Variants in DNTTIP1 observed in about 807,000 individuals in gnomAD.
The protein encoded by DNTTIP1 is deoxynucleotidyltransferase terminal interacting protein 1.
A neutral mutation model predicts 52.9 loss-of-function variants in DNTTIP1; 22 were observed. The observed-to-expected ratio is 0.42, with a 90% CI of 0.30 to 0.59. The LOEUF is 0.59. Among genes scored for constraint, DNTTIP1 ranks in the 20% least tolerant of loss-of-function variants. The probability of loss-of-function intolerance (pLI) is 0.22; values close to 1 mark genes in which losing one functional copy is unlikely to be tolerated. For synonymous variants in DNTTIP1, 136 were observed against 155.1 expected, an observed-to-expected ratio of 0.88 and a Z score of 0.92; for missense variants, 286 against 435.5, an observed-to-expected ratio of 0.66 and a Z score of 3.06.
rs1319540943 is a variant in DNTTIP1, at chr20:45,809,767, T to C, written c.795+582T>C. Among the ~76,000 whole-genome samples, 3 of 152,228 alleles carry C rather than the reference T, an allele frequency of 2.0e-5. No individual in the cohort carries two copies. Among genetic ancestry groups the C allele is most frequent in the Non-Finnish European group, 2.9e-5 (2 of 68,046 alleles). On this transcript the variant is annotated intron_variant, in intron 11 of 12. Transcript: ENST00000372622. The surrounding 1 kb of genome is among the most constrained non-coding windows in gnomAD (Gnocchi z 4.2). The stretch of plus-strand genomic sequence containing the variant: ...TCCATCACACACAATGTCCCCCACC[T>C]GAGGACTCACTCACTCCCACCACAG...
At chr20:45,800,313 T>G (rs1454515406) in intron 4 of DNTTIP1, among the ~76,000 whole-genome samples, 2 of 152,222 alleles carry the variant, frequency 1.3e-5, no homozygotes, top group South Asian at 2.1e-4. Flanking sequence ...TTTTTTAATT[T>G]TTCCAGCCAT....
In DNTTIP1 at chr20:45,802,041, G is replaced by C. The variant is rs41282766; in HGVS notation, c.541G>C (p.Ala181Pro). Residue 181 changes from alanine (A) to proline (P), a missense_variant, in exon 7 of 13, where the codon GCA (alanine) becomes CCA (proline). Ala to Pro is a conservative substitution (Grantham distance 27, BLOSUM62 -1). Coordinates refer to ENST00000372622, the MANE Select transcript of DNTTIP1 (RefSeq NM_052951.3). The stretch of plus-strand genomic sequence containing the variant: ...TGGACACATCCTGTCAAGCGACCGG[G>C]CAGCCGCCGGCATGGTGTGAGTAGG... ...PPGHILSSDR[A>P]AAGMVWKPKS... 6.2e-7 allele frequency: 1 copy of C among 1,614,120 alleles called. No homozygotes were observed. The highest frequency in any genetic ancestry group is 8.5e-7 in the Non-Finnish European group (1 of 1,180,036).
intron 1 of DNTTIP1, 138 bp from the exon 2 acceptor site, chr20:45,792,539 G>T: frequency 1.5e-6 from 1 of 660,052 alleles, no homozygotes; most frequent in Non-Finnish European, 2.5e-6. Flanking sequence ...TACAACTATC[G>T]TCCCACCCCA....
At chr20:45,794,772 G>T (rs1981176144) in intron 3 of DNTTIP1, among the ~76,000 whole-genome samples, 1 of 147,334 alleles carries the variant, frequency 6.8e-6, no homozygotes, top group South Asian at 2.1e-4. Flanking sequence ...AACACAGTGG[G>T]ACCTCATCTC....
chr20:45,799,968 A>C (rs1275049595), intron 4 of DNTTIP1, among the ~76,000 whole-genome samples: 16 of 148,268 alleles, frequency 1.1e-4, no homozygotes, highest in Admixed American at 7.4e-4. Context: ...AAAAAAAAAA[A>C]AAAATTAGCT....
intron 11 of DNTTIP1, 113 bp from the exon 12 acceptor site, chr20:45,810,771 TC>T: frequency 1.1e-6 from 1 of 922,986 alleles, no homozygotes; most frequent in Non-Finnish European, 1.7e-6. Flanking sequence ...GTAAACCGCA[TC>T]CCCCGCTTCC....
chr20:45,801,127 G>C lies in DNTTIP1; in HGVS notation c.426G>C (p.Glu142Asp), dbSNP rs1053448215. Reference protein sequence around the residue: ...GEKVIPRLTHELPGIKRGRQA... With the variant: ...GEKVIPRLTHDLPGIKRGRQA... The stretch of plus-strand genomic sequence containing the variant: ...AAGTAATACCCAGATTGACCCATGA[G>C]CTTCCAGGAATAAAGGTCAGAGTCA... Residue 142 changes from glutamate (E) to aspartate (D), a missense_variant, in exon 5 of 13, where the codon GAG (glutamate) becomes GAC (aspartate). Physicochemically the swap from Glu to Asp is conservative, Grantham distance 45 (BLOSUM62 2). Coordinates refer to ENST00000372622, the MANE Select transcript of DNTTIP1 (RefSeq NM_052951.3). 3.7e-6 allele frequency: 6 copies of C among 1,614,104 alleles called. No individual in the cohort carries two copies. Among genetic ancestry groups the C allele is most frequent in the East Asian group, 2.2e-5 (1 of 44,874 alleles).
intron 10 of DNTTIP1, among the ~76,000 whole-genome samples, chr20:45,808,668 AAACC>A (rs1203231469): frequency 2.6e-5 from 4 of 152,220 alleles, no homozygotes; most frequent in East Asian, 1.9e-4. Flanking sequence ...ATCAATCAAT[AAACC>A]AACCAACCTT....
rs998132496 is a variant in DNTTIP1 at position 45,809,963 on chromosome 20, G to T, written c.795+778G>T. 6.6e-6 allele frequency among the ~76,000 whole-genome samples: 1 copy of T among 151,904 alleles called. No individual in the cohort carries two copies. The highest frequency in any genetic ancestry group is 2.4e-5 in the African/African-American group (1 of 41,352). ...ATAAAATGCAACATTACATAAATAA[G>T]AAATAGATGGTAGGGGGTGGGGGCA... On this transcript the variant is annotated intron_variant, in intron 11 of 12. Transcript: ENST00000372622. This position sits in a 1 kb window ranked among gnomAD's most constrained non-coding sequence, Gnocchi z 4.2.
At chr20:45,801,260 C>G (rs1981459617) in intron 5 of DNTTIP1, 118 bp downstream of exon 5, 4 of 1,373,870 alleles carry the variant, frequency 2.9e-6, no homozygotes, top group South Asian at 1.2e-5. Flanking sequence ...CAGGCCCACA[C>G]AGCATCATGC....
chr20:45,811,241 C>A lies in DNTTIP1; in HGVS notation c.*46C>A. The A allele has an allele frequency of 6.4e-7, 1 of 1,562,342 alleles. No individual in the cohort carries two copies. Among genetic ancestry groups the A allele is most frequent in the South Asian group, 1.2e-5 (1 of 81,616 alleles). ...CTTGGCAGCCCTCCTCCAAAGCCCT[C>A]TTCCTCACGTGGCTGAGGCCACCGC... On this transcript the variant is annotated 3_prime_UTR_variant, in exon 13 of 13. Transcript: ENST00000372622.
At chr20:45,802,566 C>T (rs1981509759) in intron 7 of DNTTIP1, among the ~76,000 whole-genome samples, 1 of 151,962 alleles carries the variant, frequency 6.6e-6, no homozygotes, top group Admixed American at 6.6e-5. Flanking sequence ...ACTCCCTGAC[C>T]CTACACATGC....
chr20:45,797,371 A>G lies in DNTTIP1; in HGVS notation c.372+1928A>G, dbSNP rs1302476470. On this transcript the variant is annotated intron_variant, in intron 4 of 12. Coordinates refer to ENST00000372622, the MANE Select transcript of DNTTIP1 (RefSeq NM_052951.3). ...ACTTAAATGTTAGACCTAAAACCATAAAAACCCTAGAAGAAAACCTAGGCA... is the reference window on the plus strand; with the variant it reads ...ACTTAAATGTTAGACCTAAAACCATGAAAACCCTAGAAGAAAACCTAGGCA... 5.9e-5 allele frequency among the ~76,000 whole-genome samples: 9 copies of G among 152,342 alleles called. No individual in the cohort carries two copies. The East Asian group carries it at 1.5e-3, about 26-fold the overall frequency.
At position 45,793,924 on chromosome 20, in the gene DNTTIP1, C is replaced by A. The variant is rs1232270674; in HGVS notation, c.180C>A (p.Phe60Leu). 3 of 1,586,852 alleles carry A rather than the reference C, an allele frequency of 1.9e-6. No homozygotes were observed. The highest frequency in any genetic ancestry group is 2.6e-6 in the Non-Finnish European group (3 of 1,165,942). The change falls in exon 3 of 13, where the codon TTC becomes TTA. Residue 60 changes from phenylalanine to leucine, a missense_variant. Transcript: ENST00000372622. The stretch of plus-strand genomic sequence containing the variant: ...CCTGTCTCCCTCCTGAATGCAGTTT[C>A]ACAGATCCTGCCATCTCCATGGATC... ...RGRRSQMTTS[F>L]TDPAISMDLL...
intron 7 of DNTTIP1, chr20:45,803,091 A>G (rs1393961665): frequency 2.1e-6 from 1 of 484,160 alleles, no homozygotes. Context: ...CAGATGAGAA[A>G]ACTGCCACTC....
At chr20:45,792,307 A>T (rs773148468) in intron 1 of DNTTIP1, among the ~76,000 whole-genome samples, 198 bp downstream of exon 1, 1 of 152,228 alleles carries the variant, frequency 6.6e-6, no homozygotes, top group Admixed American at 6.5e-5. Flanking sequence ...CAACCCCCTG[A>T]GTCCCAGGAT....
At chr20:45,804,811 G>C (rs1392625732) in intron 8 of DNTTIP1, among the ~76,000 whole-genome samples, 1 of 152,142 alleles carries the variant, frequency 6.6e-6, no homozygotes, top group Non-Finnish European at 1.5e-5. Context: ...CTTGGGAAAT[G>C]CCTCTCTAAG....
At chr20:45,795,796 C>A (rs6032547) in intron 4 of DNTTIP1, among the ~76,000 whole-genome samples, 22 of 152,186 alleles carry the variant, frequency 1.4e-4, no homozygotes, top group African/African-American at 5.3e-4. Flanking sequence ...AAGATTCTGT[C>A]TCAAAAACAA....
Position 45,811,238 on chromosome 20 carries a change from C to G in DNTTIP1, c.*43C>G. 1 of 1,565,744 alleles carries G rather than the reference C, an allele frequency of 6.4e-7. No homozygotes were observed. The highest frequency in any genetic ancestry group is 8.6e-7 in the Non-Finnish European group (1 of 1,159,318). On this transcript the variant is annotated 3_prime_UTR_variant, in exon 13 of 13. Coordinates refer to ENST00000372622, the MANE Select transcript of DNTTIP1 (RefSeq NM_052951.3). ...ACACTTGGCAGCCCTCCTCCAAAGC[C>G]CTCTTCCTCACGTGGCTGAGGCCAC...
Sources: allele counts gnomAD v4.1 joint callset (sites outside exome capture counted in the v4.1 genomes callset), GRCh38; gene constraint gnomAD v4.1.1; non-coding constraint Gnocchi (gnomAD v3.1); transcripts MANE v1.5; gene names NCBI Gene and HGNC (gene_info 2026-07-23, HGNC 2026-07-21).